KLHDC1: variants seen among roughly 807,000 people sequenced by gnomAD.
KLHDC1 encodes the protein kelch domain-containing protein 1.
KLHDC1 carries 53 observed loss-of-function variants against 68.3 expected under a neutral mutation model. The ratio of observed to expected loss-of-function variants is 0.78; its 90% CI spans 0.62 to 0.98. The LOEUF is 0.98. KLHDC1 is among the 50% of genes least tolerant of loss of function. The probability of loss-of-function intolerance (pLI) is 0.00; values close to 1 mark genes in which losing one functional copy is unlikely to be tolerated. For synonymous variants in KLHDC1, 148 were observed against 159.0 expected (o/e 0.93, Z 0.52); for missense variants, 470 against 492.3 (o/e 0.95, Z 0.43).
Position 49,751,892 on chromosome 14 carries a change from T to A in KLHDC1, c.*120T>A, listed in dbSNP as rs1177091663. The A allele has an allele frequency of 1.9e-5, 9 of 479,258 alleles. No individual in the cohort carries two copies. The Admixed American group carries it at 3.7e-4, about 19-fold the overall frequency. 29.7% of individuals were successfully genotyped at this position (479,258 alleles called of 1,614,324 possible). ...ATTTAAAGGATAAAAAAACAGTCAC[T>A]CTGTTAAGTGACTATATGCCATGGG... On this transcript the variant is annotated 3_prime_UTR_variant, in exon 13 of 13. Transcript: ENST00000359332.
At chr14:49,699,965 A>G in intron 1 of KLHDC1, 2 of 242,644 alleles carry the variant, frequency 8.2e-6, no homozygotes, top group Admixed American at 5.7e-5. Context: ...TTTTCCTATC[A>G]TGGCCCTAAT....
rs753609461 is a variant in KLHDC1, at chr14:49,734,616, C to T, written c.851C>T (p.Thr284Ile). 1 of 1,595,614 alleles carries T rather than the reference C, an allele frequency of 6.3e-7. No homozygotes were observed. Among genetic ancestry groups the T allele is most frequent in the Admixed American group, 1.7e-5 (1 of 58,570 alleles). ...LSDGWIHNVT[T>I]NCWKQLTHLP... ...GATGGTTGGATTCATAATGTCACAA[C>T]AAATTGTTGGAAACAACTTACACAT... The change falls in exon 10 of 13, where the codon ACA becomes ATA. Residue 284 changes from threonine to isoleucine, a missense_variant. Transcript: ENST00000359332.
At chr14:49,730,565 A>G (rs1888780758) in intron 8 of KLHDC1, among the ~76,000 whole-genome samples, 1 of 152,202 alleles carries the variant, frequency 6.6e-6, no homozygotes, top group Non-Finnish European at 1.5e-5. Flanking sequence ...GCAAAGATCC[A>G]CAAGAACTCA....
chr14:49,697,051 T>G (rs1887764714), intron 1 of KLHDC1, among the ~76,000 whole-genome samples: 1 of 152,072 alleles, frequency 6.6e-6, no homozygotes, highest in Non-Finnish European at 1.5e-5. Context: ...ATTCTCCTGC[T>G]TCAGCCTCCC....
In KLHDC1 at chr14:49,699,493, G is replaced by A. The variant is rs916415010; in HGVS notation, c.96+6203G>A. 9.9e-5 allele frequency among the ~76,000 whole-genome samples: 15 copies of A among 151,754 alleles called. No homozygotes were observed. The East Asian group carries it at 2.3e-3, about 23-fold the overall frequency. ...ATTCTTCTAACAATTATCTTATTCC[G>A]ATCGTTCTAAACAAGATAGTTAAAA... On this transcript the variant is annotated intron_variant, in intron 1 of 12. Transcript: ENST00000359332.
intron 1 of KLHDC1, chr14:49,708,942 G>A (rs991384741): frequency 2.6e-5 from 8 of 313,708 alleles, no homozygotes; most frequent in African/African-American, 4.4e-5. Flanking sequence ...TTATATACTC[G>A]CTATGTTTTA....
At chr14:49,699,978 T>C (rs568069474) in intron 1 of KLHDC1, 15 of 283,336 alleles carry the variant, frequency 5.3e-5, no homozygotes, top group Non-Finnish European at 1.0e-4. Context: ...GCCCTAATCA[T>C]TTGAACAGTA....
chr14:49,702,932 A>G (rs1479257162), intron 1 of KLHDC1, among the ~76,000 whole-genome samples: 5 of 152,308 alleles, frequency 3.3e-5, no homozygotes, highest in African/African-American at 1.2e-4. Context: ...ACCAGTGACC[A>G]CAGACCTGCT....
rs2139759801 is a variant in KLHDC1, at chr14:49,732,684, TC to T, written c.711-19del. ...TTTGATTAATATAGTACCTAGACTT[TC>T]TTTTTCTCCTTGCCACAGGATTACT... On this transcript the variant is annotated intron_variant, in intron 8 of 12. Coordinates refer to ENST00000359332, the MANE Select transcript of KLHDC1 (RefSeq NM_172193.3). 8.0e-7 allele frequency: 1 copy of T among 1,255,948 alleles called. No homozygotes were observed. The highest frequency in any genetic ancestry group is 1.2e-6 in the Non-Finnish European group (1 of 861,724). The allele number at this position is 1,255,948 out of a possible 1,614,324, so 77.8% of individuals were successfully genotyped here.
intron 4 of KLHDC1, among the ~76,000 whole-genome samples, chr14:49,719,285 C>T (rs111353883): frequency 4.4e-4 from 67 of 151,950 alleles, no homozygotes; most frequent in Non-Finnish European, 8.5e-4. Context: ...CGCTGCATCT[C>T]GTAAGTTTTG....
chr14:49,704,604 T>C (rs1888000534), intron 1 of KLHDC1, among the ~76,000 whole-genome samples: 1 of 151,878 alleles, frequency 6.6e-6, no homozygotes, highest in African/African-American at 2.4e-5. Context: ...CCATGTTGGC[T>C]GGGCTGGCCT....
At chr14:49,749,552 C>A (rs1889277430) in intron 12 of KLHDC1, among the ~76,000 whole-genome samples, 1 of 151,694 alleles carries the variant, frequency 6.6e-6, no homozygotes, top group Non-Finnish European at 1.5e-5. Context: ...GTGGCATGCG[C>A]CTGTAGTCCC....
chr14:49,731,304 A>T (rs1435654139), intron 8 of KLHDC1, among the ~76,000 whole-genome samples: 1 of 152,150 alleles, frequency 6.6e-6, no homozygotes, highest in Non-Finnish European at 1.5e-5. Context: ...GTTTCTTATA[A>T]ACAACACAAA....
intron 4 of KLHDC1, among the ~76,000 whole-genome samples, chr14:49,713,822 ATATATATATATATATATATATATATATAT>A (rs1566602801): frequency 1.2e-3 from 2 of 1,654 alleles, no homozygotes; most frequent in African/African-American, 1.9e-3. Flanking sequence ...ATATATATAT[ATATATATATATATATATATATATATATAT>A]TTTTTTTTTT....
chr14:49,701,457 C>T (rs565337536), intron 1 of KLHDC1, among the ~76,000 whole-genome samples: 13 of 151,890 alleles, frequency 8.6e-5, no homozygotes, highest in Non-Finnish European at 1.5e-4. Context: ...ATTGGGAGTT[C>T]GAGACAAGCC....
intron 1 of KLHDC1, among the ~76,000 whole-genome samples, chr14:49,707,455 C>T (rs932084719): frequency 7.2e-6 from 1 of 138,806 alleles, no homozygotes; most frequent in African/African-American, 2.7e-5. Flanking sequence ...TCAAGCGATT[C>T]TCCTGCCTCA....
rs55789065 is a variant in KLHDC1 at position 49,724,827 on chromosome 14, AT to A, written c.484-844del. Among the ~76,000 whole-genome samples, 1,304 of 137,592 alleles carry A rather than the reference AT, an allele frequency of 9.5e-3. 10 individuals carry two copies. The highest frequency in any genetic ancestry group is 0.024 in the African/African-American group (872 of 36,968). The allele number at this position is 137,592 out of a possible 152,430, so 90.3% of individuals were successfully genotyped here. A position where few individuals can be genotyped will look rare whatever the true frequency, so the allele number is the denominator to read the frequency against. On this transcript the variant is annotated intron_variant, in intron 5 of 12. Transcript: ENST00000359332. ...CTGAAGTTTCTGGAACACAAATGGT[AT>A]TTTTTTTTTTTTTTCATTTAGACTC... is the stretch of plus-strand genomic sequence containing the variant.
chr14:49,742,967 G>A (rs1048731167), intron 11 of KLHDC1, among the ~76,000 whole-genome samples: 1 of 151,122 alleles, frequency 6.6e-6, no homozygotes, highest in African/African-American at 2.4e-5. Context: ...AGCTACTTGC[G>A]GGGCTGAGGT....
intron 1 of KLHDC1, among the ~76,000 whole-genome samples, chr14:49,693,977 C>G (rs1447114680): frequency 6.6e-6 from 1 of 151,506 alleles, no homozygotes; most frequent in East Asian, 1.9e-4. Context: ...GTCTTGAACT[C>G]GCGACCTCAG....
Sources: gnomAD v4.1 joint callset for allele counts (sites outside exome capture counted in the v4.1 genomes callset) on GRCh38, gnomAD v4.1.1 for gene constraint, MANE v1.5 for transcripts, NCBI Gene and HGNC (gene_info 2026-07-23, HGNC 2026-07-21) for gene names.